Variants in STAG1 observed in about 807,000 individuals in gnomAD.
The protein encoded by STAG1 is STAG1 cohesin complex component.
Under a neutral mutation model 170.9 loss-of-function variants are expected in STAG1, and 26 were observed. The observed-to-expected ratio is 0.15, with a 90% CI of 0.11 to 0.21. The LOEUF (loss-of-function observed/expected upper bound fraction) is 0.21. Among genes scored for constraint, STAG1 ranks in the 10% least tolerant of loss-of-function variants. The pLI is 1.00. For missense variants in STAG1, 964 were observed against 1,509.5 expected (o/e 0.64, Z 5.99); for synonymous variants, 514 against 497.7 (o/e 1.03, Z -0.44).
At chr3:136,347,870 A>T (rs1195734629) in intron 29 of STAG1, among the ~76,000 whole-genome samples, 1 of 152,208 alleles carries the variant, frequency 6.6e-6, no homozygotes, top group Non-Finnish European at 1.5e-5. Context: ...TCATTTGATG[A>T]ATGATTTAAA....
In STAG1 at chr3:136,633,962, T is replaced by TAAAAAA. The variant is rs67810422; in HGVS notation, c.-83-2987_-83-2982dup. On this transcript the variant is annotated intron_variant, in intron 1 of 33. Transcript: ENST00000383202. ...AACATGGTGAAACCCTGTCTCTACT[T>TAAAAAA]AAAAAAAAAAAAAAAAAAAAAAAAA... 3.4e-3 allele frequency among the ~76,000 whole-genome samples: 171 copies of TAAAAAA among 50,346 alleles called. 26 individuals carry two copies. Among genetic ancestry groups the TAAAAAA allele is most frequent in the East Asian group, 7.7e-3 (5 of 648 alleles). The allele number at this position is 50,346 out of a possible 152,430, so 33.0% of individuals were successfully genotyped here.
intron 1 of STAG1, among the ~76,000 whole-genome samples, chr3:136,643,046 T>C (rs1940862687): frequency 6.6e-6 from 1 of 152,254 alleles, no homozygotes; most frequent in Admixed American, 6.5e-5. Context: ...TAAATGCCTA[T>C]GAGCTTGTTT....
chr3:136,515,667 A>T (rs1576552360), intron 7 of STAG1, among the ~76,000 whole-genome samples: 1 of 152,216 alleles, frequency 6.6e-6, no homozygotes, highest in African/African-American at 2.4e-5. Context: ...AAGAAAGCTA[A>T]TTTTCAGAAC....
At chr3:136,605,090 A>G (rs183729070) in intron 3 of STAG1, among the ~76,000 whole-genome samples, 4 of 152,328 alleles carry the variant, frequency 2.6e-5, no homozygotes, top group African/African-American at 9.6e-5. Context: ...TACAGAAAAC[A>G]TTTCTGGGAA....
chr3:136,714,350 C>A (rs747862498), intron 1 of STAG1, among the ~76,000 whole-genome samples: 4 of 152,176 alleles, frequency 2.6e-5, no homozygotes, highest in African/African-American at 4.8e-5. Context: ...AATCTCAGCA[C>A]TTTGGGTCAC....
intron 29 of STAG1, among the ~76,000 whole-genome samples, chr3:136,345,103 A>C (rs546794288): frequency 6.6e-6 from 1 of 151,348 alleles, no homozygotes; most frequent in African/African-American, 2.4e-5. Context: ...ATATATATAT[A>C]TTTTTTGAGA....
At chr3:136,501,938 T>C (rs1933500641) in intron 8 of STAG1, among the ~76,000 whole-genome samples, 1 of 152,112 alleles carries the variant, frequency 6.6e-6, no homozygotes, top group Admixed American at 6.6e-5. Context: ...TCTCAGCACT[T>C]TGGGAGGCCG....
chr3:136,715,785 T>C (rs1036868428), intron 1 of STAG1, among the ~76,000 whole-genome samples: 2 of 151,808 alleles, frequency 1.3e-5, no homozygotes, highest in African/African-American at 2.4e-5. Flanking sequence ...TTTTAAAGTA[T>C]GTATAAAACA....
At chr3:136,562,707 C>T (rs112481784) in intron 5 of STAG1, among the ~76,000 whole-genome samples, 9 of 152,230 alleles carry the variant, frequency 5.9e-5, no homozygotes, top group African/African-American at 1.7e-4. Context: ...CCTGCCTCAG[C>T]CTCCCAAGTA....
chr3:136,623,089 T>G, intron 3 of STAG1, 57 bp downstream of exon 3: 1 of 1,453,542 alleles, frequency 6.9e-7, no homozygotes, highest in Non-Finnish European at 9.5e-7. Flanking sequence ...ACAACTCATA[T>G]AAACTCATTA....
chr3:136,526,480 T>C (rs1237398942), intron 6 of STAG1, among the ~76,000 whole-genome samples: 2 of 152,336 alleles, frequency 1.3e-5, no homozygotes, highest in East Asian at 3.9e-4. Context: ...ATTTTGAGCC[T>C]ACGTGTGTCT....
intron 1 of STAG1, among the ~76,000 whole-genome samples, chr3:136,643,659 C>G (rs999175022): frequency 1.5e-4 from 23 of 152,142 alleles, no homozygotes; most frequent in Non-Finnish European, 3.2e-4. Context: ...CAGGCACACA[C>G]CACCACACCT....
chr3:136,452,527 G>C (rs978176597), intron 13 of STAG1, among the ~76,000 whole-genome samples: 5 of 150,392 alleles, frequency 3.3e-5, no homozygotes, highest in Non-Finnish European at 5.9e-5. Flanking sequence ...TTGCACAACT[G>C]CACTCCAGCC....
chr3:136,425,281 T>C (rs1000123829), intron 16 of STAG1, among the ~76,000 whole-genome samples: 9 of 152,232 alleles, frequency 5.9e-5, no homozygotes, highest in African/African-American at 2.2e-4. Flanking sequence ...TGGACTGATT[T>C]CCAGGATACA....
rs189071235 is a variant in STAG1, at chr3:136,495,226, A to T, written c.902+4997T>A. ...TTTGTCATTAAATGGTGCTGGGAAA[A>T]CTGAAAATTTGTATGCAAAAAGTAG... On this transcript the variant is annotated intron_variant, in intron 9 of 33. Transcript: ENST00000383202. Among the ~76,000 whole-genome samples the T allele has an allele frequency of 4.8e-4, 73 of 152,312 alleles. 1 individual carries two copies. Among genetic ancestry groups the T allele is most frequent in the African/African-American group, 1.7e-3 (72 of 41,576 alleles).
intron 1 of STAG1, among the ~76,000 whole-genome samples, chr3:136,683,383 C>T (rs576626597): frequency 1.2e-3 from 178 of 152,068 alleles, no homozygotes; most frequent in South Asian, 3.5e-3. Flanking sequence ...CCTGCCTCAG[C>T]CTCCCAAGTA....
chr3:136,372,805 TTC>T (rs1307103670), intron 23 of STAG1, among the ~76,000 whole-genome samples: 4 of 152,240 alleles, frequency 2.6e-5, no homozygotes, highest in African/African-American at 7.2e-5. Flanking sequence ...TGGTCTAAAA[TTC>T]TCTTTTTTTG....
At chr3:136,523,086 T>G (rs1011655926) in intron 6 of STAG1, among the ~76,000 whole-genome samples, 2 of 152,198 alleles carry the variant, frequency 1.3e-5, no homozygotes, top group Admixed American at 1.3e-4. Context: ...AGATACCCAG[T>G]AAGGGGATGG....
intron 1 of STAG1, among the ~76,000 whole-genome samples, chr3:136,682,291 G>T (rs1942361865): frequency 1.3e-5 from 2 of 151,916 alleles, no homozygotes; most frequent in South Asian, 2.1e-4. Flanking sequence ...CAGGCGTGGT[G>T]GTGGGTGTCT....
Sources: gnomAD v4.1 joint callset for allele counts (sites outside exome capture counted in the v4.1 genomes callset) on GRCh38, gnomAD v4.1.1 for gene constraint, MANE v1.5 for transcripts, NCBI Gene and HGNC (gene_info 2026-07-23, HGNC 2026-07-21) for gene names.